The following LIG3 variants were observed in gnomAD, a reference collection of about 807,000 sequenced individuals.
LIG3 encodes the protein DNA ligase 3.
A neutral mutation model predicts 110.9 loss-of-function variants in LIG3; 58 were observed. The ratio of observed to expected loss-of-function variants is 0.52; its 90% confidence interval spans 0.42 to 0.65. The LOEUF is 0.65. Ranked by LOEUF, LIG3 falls within the 30% of genes least tolerant of loss-of-function variation. The pLI, the probability that LIG3 is intolerant of heterozygous loss-of-function variation, is 0.00. For synonymous variants in LIG3, 422 were observed against 472.8 expected (o/e 0.89, Z 1.39); for missense variants, 1,094 against 1,273.8 (o/e 0.86, Z 2.15).
rs774191585 is a variant in LIG3 at position 34,996,620 on chromosome 17, G to T, written c.1790G>T (p.Cys597Phe). ...DANVCLFVFD[C>F]IYFNDVSLMD... The stretch of plus-strand genomic sequence containing the variant: ...AATGTCTGCCTGTTTGTTTTTGATT[G>T]TATCTACTTTAATGATGTCAGCTTG... Residue 597 changes from cysteine (C) to phenylalanine (F), a missense_variant, in exon 11 of 20, where the codon TGT becomes TTT. Physicochemically the swap from Cys to Phe is radical, Grantham distance 205. Coordinates refer to ENST00000378526, the MANE Select transcript of LIG3 (RefSeq NM_013975.4). 6.2e-7 allele frequency: 1 copy of T among 1,614,078 alleles called. No individual in the cohort carries two copies. Among genetic ancestry groups the T allele is most frequent in the Non-Finnish European group, 8.5e-7 (1 of 1,180,000 alleles).
intron 11 of LIG3, 75 bp downstream of exon 11, chr17:34,996,728 GC>G: frequency 7.7e-7 from 1 of 1,296,160 alleles, no homozygotes; most frequent in East Asian, 2.3e-5. Context: ...GAAGATGGGG[GC>G]TTCAGGTTGG....
chr17:35,004,036 C>T (rs979179013), intron 19 of LIG3: 5 of 528,954 alleles, frequency 9.5e-6, no homozygotes, highest in African/African-American at 7.6e-5. Flanking sequence ...CTCCAGGTCC[C>T]AGATGTCGAG....
At chr17:34,994,842 C>T (rs1166667245) in intron 9 of LIG3, among the ~76,000 whole-genome samples, 3 of 152,160 alleles carry the variant, frequency 2.0e-5, no homozygotes, top group Non-Finnish European at 2.9e-5. Flanking sequence ...TTATCAGATG[C>T]TTACCCATTG....
At chr17:35,010,392 G>A (rs1859248), downstream of LIG3, 30,682 of 152,148 alleles carry the variant, frequency 0.2, 4,570 homozygotes, top group African/African-American at 0.42. Context: ...TCCTCTAGGG[G>A]TGTAAAGACT....
chr17:34,981,970 CTCT>C (rs941613829), intron 1 of LIG3, among the ~76,000 whole-genome samples: 5 of 152,310 alleles, frequency 3.3e-5, no homozygotes, highest in African/African-American at 9.6e-5. Flanking sequence ...CATCGGAAGC[CTCT>C]TCTTGAAAGA....
At chr17:35,001,807 A>T in intron 17 of LIG3, 102 bp from the exon 18 acceptor site, 1 of 1,033,686 alleles carries the variant, frequency 9.7e-7, no homozygotes, top group South Asian at 1.6e-5. Flanking sequence ...TCTTTCTCAC[A>T]TCTTTGTTCC....
chr17:34,991,776 C>T lies in LIG3; in HGVS notation c.1147C>T (p.Arg383Trp), dbSNP rs201706144. 28 of 1,614,018 alleles carry T rather than the reference C, an allele frequency of 1.7e-5. No homozygotes were observed. In the Admixed American group the frequency reaches 2.2e-4, roughly 12 times the overall value. The part of the protein sequence containing the change: ...TIQEVDEFLL[R>W]LSKLTKEDEQ... ...CCAGGAAGTGGATGAGTTCCTTCTG[C>T]GGCTGTCCAAGCTCACCAAGGAGGA... Residue 383 changes from arginine (R) to tryptophan (W), a missense_variant, in exon 6 of 20, where the codon CGG (arginine) becomes TGG (tryptophan). Arg to Trp is a moderately radical substitution (Grantham distance 101). Coordinates refer to ENST00000378526, the MANE Select transcript of LIG3 (RefSeq NM_013975.4).
intron 15 of LIG3, 67 bp from the exon 16 acceptor site, chr17:34,999,715 C>T (rs181212205): frequency 7.2e-7 from 1 of 1,385,324 alleles, no homozygotes. Context: ...ATCTCATTAC[C>T]AAGAGAAGGG....
intron 1 of LIG3, among the ~76,000 whole-genome samples, chr17:34,982,473 C>T (rs566069723): frequency 9.9e-5 from 15 of 152,092 alleles, no homozygotes; most frequent in African/African-American, 3.1e-4. Context: ...GAAGAAACCC[C>T]GTCTCCATTA....
Position 34,994,404 on chromosome 17 carries a change from C to G in LIG3, c.1584C>G (p.Arg528=). The G allele has an allele frequency of 6.2e-7, 1 of 1,614,146 alleles. No individual in the cohort carries two copies. The highest frequency in any genetic ancestry group is 8.5e-7 in the Non-Finnish European group (1 of 1,179,994). Residue 528 remains arginine (R), a synonymous_variant, in exon 9 of 20, where the codon CGC becomes CGG. Transcript: ENST00000378526. ...GAGACCACTTCAGCTACTTCAGCCG[C>G]AGTCTCAAGCCCGTCCTTCCTCACA... ...KNGDHFSYFS[R]SLKPVLPHKV...
chr17:34,988,523 C>T (rs1362466476), intron 3 of LIG3, among the ~76,000 whole-genome samples: 2 of 152,032 alleles, frequency 1.3e-5, no homozygotes, highest in African/African-American at 2.4e-5. Flanking sequence ...ACAAGTTTGC[C>T]GAATAAAATT....
chr17:34,980,586 C>T lies in LIG3; in HGVS notation c.-41C>T, dbSNP rs1166667114. The T allele has an allele frequency of 3.9e-6, 5 of 1,287,112 alleles. No individual in the cohort carries two copies. The highest frequency in any genetic ancestry group is 1.2e-5 in the South Asian group (1 of 80,544). 79.7% of individuals were successfully genotyped at this position (1,287,112 alleles called of 1,614,324 possible). A position where few individuals can be genotyped will look rare whatever the true frequency, so the allele number is the denominator to read the frequency against. On this transcript the variant is annotated 5_prime_UTR_variant, in exon 1 of 20. Coordinates refer to ENST00000378526, the MANE Select transcript of LIG3 (RefSeq NM_013975.4). ...GCCCGCGGCCTGTAATGAGCAAGTTCCGAGGCCTACGGTGAGCGCCGGAGC... is the reference window on the plus strand; with the variant it reads ...GCCCGCGGCCTGTAATGAGCAAGTTTCGAGGCCTACGGTGAGCGCCGGAGC...
chr17:34,985,944 A>T, intron 2 of LIG3, 44 bp from the exon 3 acceptor site: 5 of 1,592,050 alleles, frequency 3.1e-6, no homozygotes, highest in South Asian at 1.1e-5. Context: ...TTTTTCAGAG[A>T]TCGTTCACTG....
rs981325049 is a variant in LIG3, at chr17:34,986,907, CAAAG to C, written c.691+777_691+780del. Among the ~76,000 whole-genome samples the C allele has an allele frequency of 5.9e-5, 9 of 152,056 alleles. No homozygotes were observed. In the South Asian group the frequency reaches 8.3e-4, roughly 14 times the overall value. ...CAAAACACTGGAACTTCATGGAACA[CAAAG>C]GAAGGAAAAAAAGATCTGAAGGATA... is the stretch of plus-strand genomic sequence containing the variant. On this transcript the variant is annotated intron_variant, in intron 3 of 19. Coordinates refer to ENST00000378526, the MANE Select transcript of LIG3 (RefSeq NM_013975.4).
At chr17:34,992,854 G>A (rs765441252) in intron 8 of LIG3, among the ~76,000 whole-genome samples, 162 bp downstream of exon 8, 19 of 152,098 alleles carry the variant, frequency 1.2e-4, no homozygotes, top group Non-Finnish European at 2.4e-4. Flanking sequence ...TGTAGGAGGC[G>A]AAGGCAAAGG....
chr17:35,007,911 T>C lies in LIG3; in HGVS notation c.*3405T>C, dbSNP rs988741037. The C allele has an allele frequency of 2.0e-5, 3 of 152,168 alleles. No homozygotes were observed. Among genetic ancestry groups the C allele is most frequent in the Non-Finnish European group, 4.4e-5 (3 of 68,040 alleles). 9.4% of individuals were successfully genotyped at this position (152,168 alleles called of 1,614,324 possible). Reference sequence around the variant, plus strand: ...CACACCATCACTCGCAGCTAAGTTTTTGTATTTTTAGTAGAGACCACGTTT... The same window carrying C: ...CACACCATCACTCGCAGCTAAGTTTCTGTATTTTTAGTAGAGACCACGTTT... On this transcript the variant is annotated 3_prime_UTR_variant, in exon 20 of 20. Coordinates refer to ENST00000378526, the MANE Select transcript of LIG3 (RefSeq NM_013975.4).
chr17:34,988,181 ACT>A (rs1162168395), intron 3 of LIG3, among the ~76,000 whole-genome samples: 1 of 122,358 alleles, frequency 8.2e-6, no homozygotes, highest in Non-Finnish European at 1.6e-5. Context: ...CGACAGCGAG[ACT>A]CTGTCTCAAA....
At chr17:35,003,542 T>G (rs926860304) in intron 19 of LIG3, 9 of 165,378 alleles carry the variant, frequency 5.4e-5, no homozygotes, top group Non-Finnish European at 6.6e-5. Context: ...CCCAAAGTCC[T>G]GACCTCAAGT....
At position 34,999,335 on chromosome 17, in the gene LIG3, C is replaced by T; in HGVS notation, c.2142C>T (p.Gly714=). The part of the protein sequence containing the change: ...KGGMMSIFLM[G]CYDPGSQKWC... ...GCATGATGTCAATCTTCCTCATGGG[C>T]TGCTACGACCCTGGCAGCCAGAAGT... Residue 714 remains glycine, a synonymous_variant, in exon 15 of 20, where the codon GGC becomes GGT. Transcript: ENST00000378526. The T allele has an allele frequency of 9.3e-6, 15 of 1,613,768 alleles. No individual in the cohort carries two copies. The highest frequency in any genetic ancestry group is 1.3e-5 in the Non-Finnish European group (15 of 1,179,770).
Sources: gnomAD v4.1 joint callset for allele counts (sites outside exome capture counted in the v4.1 genomes callset) on GRCh38, gnomAD v4.1.1 for gene constraint, MANE v1.5 for transcripts, NCBI Gene and HGNC (gene_info 2026-07-23, HGNC 2026-07-21) for gene names.